ZNF385B: variants seen among roughly 807,000 people sequenced by gnomAD.
ZNF385B encodes the protein zinc finger protein 533.
A neutral mutation model predicts 39.2 loss-of-function variants in ZNF385B; 23 were observed. The observed-to-expected ratio is 0.59, with a 90% confidence interval of 0.42 to 0.83. The LOEUF (loss-of-function observed/expected upper bound fraction) is 0.83. Among genes scored for constraint, ZNF385B ranks in the 40% least tolerant of loss-of-function variants. ZNF385B has a pLI of 0.00. For synonymous variants in ZNF385B, 205 were observed against 222.6 expected (o/e 0.92, Z 0.70); for missense variants, 552 against 598.9 (o/e 0.92, Z 0.82).
At chr2:179,636,781 T>C (rs1691796663) in intron 3 of ZNF385B, among the ~76,000 whole-genome samples, 1 of 152,180 alleles carries the variant, frequency 6.6e-6, no homozygotes, top group Middle Eastern at 3.2e-3. Flanking sequence ...TAACTTTGAC[T>C]CTTTGACTGC....
intron 3 of ZNF385B, among the ~76,000 whole-genome samples, chr2:179,662,434 T>C (rs890177483): frequency 2.6e-5 from 4 of 151,956 alleles, no homozygotes; most frequent in African/African-American, 9.7e-5. Flanking sequence ...TTCTGTTGTT[T>C]AAGGCATTCA....
In ZNF385B at chr2:179,443,398, G is replaced by A. The variant is rs550371636; in HGVS notation, c.1313C>T (p.Ala438Val). 6 of 1,611,562 alleles carry A rather than the reference G, an allele frequency of 3.7e-6. No individual in the cohort carries two copies. Among genetic ancestry groups the A allele is most frequent in the East Asian group, 2.2e-5 (1 of 44,830 alleles). ...APAFLSSPLA[A>V]AAAVSSALSL... is the part of the protein sequence containing the mutation. ...CAGCGCTGAGGACACGGCTGCCGCC[G>A]CTGCGAGAGGTGAGGACAGGAAGGC... Residue 438 changes from alanine (A) to valine (V), a missense_variant, in exon 10 of 10, where the codon GCG becomes GTG. By Grantham distance (64) the Ala-to-Val change is moderately conservative (BLOSUM62 0). Coordinates refer to ENST00000410066, the MANE Select transcript of ZNF385B (RefSeq NM_152520.6).
At chr2:179,524,450 G>A (rs754043455) in intron 4 of ZNF385B, among the ~76,000 whole-genome samples, 1 of 149,968 alleles carries the variant, frequency 6.7e-6, no homozygotes, top group African/African-American at 2.5e-5. Context: ...TACTCGGGAG[G>A]CTGAGGCAGG....
At chr2:179,591,308 T>G (rs1687542971) in intron 3 of ZNF385B, among the ~76,000 whole-genome samples, 1 of 152,134 alleles carries the variant, frequency 6.6e-6, no homozygotes, top group Non-Finnish European at 1.5e-5. Flanking sequence ...CAGTAGTTCT[T>G]AGATTAAGGA....
chr2:179,614,745 G>A (rs1323658061), intron 3 of ZNF385B, among the ~76,000 whole-genome samples: 1 of 152,206 alleles, frequency 6.6e-6, no homozygotes, highest in Non-Finnish European at 1.5e-5. Flanking sequence ...TCAGGGGCTA[G>A]AGAGCAAAGA....
At chr2:179,677,859 T>C (rs1257361862) in intron 3 of ZNF385B, among the ~76,000 whole-genome samples, 1 of 152,224 alleles carries the variant, frequency 6.6e-6, no homozygotes, top group Non-Finnish European at 1.5e-5. Flanking sequence ...AATTGTGTTA[T>C]TTTCTGAAAT....
chr2:179,709,986 C>T (rs557628385), intron 3 of ZNF385B, among the ~76,000 whole-genome samples: 23 of 152,284 alleles, frequency 1.5e-4, no homozygotes, highest in Middle Eastern at 3.4e-3. Context: ...TCACACTTTA[C>T]CAGACACAAA....
At chr2:179,512,940 A>G (rs2057790591) in intron 5 of ZNF385B, among the ~76,000 whole-genome samples, 2 of 152,210 alleles carry the variant, frequency 1.3e-5, no homozygotes, top group African/African-American at 4.8e-5. Context: ...TTCTACTGAG[A>G]TGATATAAGC....
At position 179,832,139 on chromosome 2, in the gene ZNF385B, A is replaced by G. The variant is rs527866777; in HGVS notation, c.-155+28962T>C. On this transcript the variant is annotated intron_variant, in intron 1 of 9. Transcript: ENST00000410066. ...AAACTGTGTCAGGATTAGGAAGATG[A>G]GAGTTGGACAAGTCTGGCCTTTTGC... 1.2e-4 allele frequency among the ~76,000 whole-genome samples: 18 copies of G among 152,290 alleles called. No homozygotes were observed. In the East Asian group the frequency reaches 3.5e-3, roughly 29 times the overall value.
At chr2:179,555,248 T>G (rs891505071) in intron 3 of ZNF385B, among the ~76,000 whole-genome samples, 2 of 149,634 alleles carry the variant, frequency 1.3e-5, no homozygotes, top group Non-Finnish European at 3.0e-5. Context: ...ACATGCTGTA[T>G]GATACCATTT....
At chr2:179,751,972 C>A (rs895115014) in intron 3 of ZNF385B, among the ~76,000 whole-genome samples, 1 of 152,168 alleles carries the variant, frequency 6.6e-6, no homozygotes, top group South Asian at 2.1e-4. Context: ...TTCTAGGGCA[C>A]ATGTGCACAA....
chr2:179,839,508 T>C (rs563851672), intron 1 of ZNF385B, among the ~76,000 whole-genome samples: 1 of 152,364 alleles, frequency 6.6e-6, no homozygotes, highest in Admixed American at 6.5e-5. Context: ...AAATGGACAT[T>C]TCATAATGTA....
At chr2:179,823,562 T>C (rs1707519906) in intron 1 of ZNF385B, among the ~76,000 whole-genome samples, 1 of 152,010 alleles carries the variant, frequency 6.6e-6, no homozygotes, top group South Asian at 2.1e-4. Context: ...TGTTTCAGGA[T>C]TTTTTTTCCT....
Position 179,445,645 on chromosome 2 carries a change from T to C in ZNF385B, c.1045A>G (p.Met349Val), listed in dbSNP as rs757707997. ...CCTGACCCCTTACTGCCATTCTGCA[T>C]CTTTAATCTTGATCCAGGTCTAGGA... ...SYPRPGSRLK[M>V]QNGSKGSGLQ... Residue 349 changes from methionine to valine, a missense_variant, in exon 8 of 10, where the codon ATG (methionine) becomes GTG (valine). Coordinates refer to ENST00000410066, the MANE Select transcript of ZNF385B (RefSeq NM_152520.6). 2.0e-5 allele frequency: 33 copies of C among 1,614,016 alleles called. No individual in the cohort carries two copies. Among genetic ancestry groups the C allele is most frequent in the Non-Finnish European group, 5.9e-6 (7 of 1,180,002 alleles).
chr2:179,658,591 T>G (rs1694073390), intron 3 of ZNF385B, among the ~76,000 whole-genome samples: 1 of 152,180 alleles, frequency 6.6e-6, no homozygotes, highest in South Asian at 2.1e-4. Context: ...CCAAGTAGAA[T>G]AGTGGGCTTG....
intron 1 of ZNF385B, among the ~76,000 whole-genome samples, chr2:179,828,374 T>A (rs1301340614): frequency 1.3e-5 from 2 of 152,210 alleles, no homozygotes; most frequent in Non-Finnish European, 2.9e-5. Flanking sequence ...AAATTGCCCA[T>A]TAATTCCTTC....
intron 3 of ZNF385B, among the ~76,000 whole-genome samples, chr2:179,656,607 G>A (rs1515281): frequency 0.093 from 14,088 of 152,056 alleles, 877 homozygotes; most frequent in East Asian, 0.16. Flanking sequence ...GCAAAAATTC[G>A]TACTCTGCAG....
intron 3 of ZNF385B, among the ~76,000 whole-genome samples, chr2:179,757,920 G>A (rs1173105640): frequency 1.3e-5 from 2 of 152,060 alleles, no homozygotes; most frequent in African/African-American, 4.8e-5. Flanking sequence ...CAGGTGAGGC[G>A]ATGCCTCACC....
At chr2:179,746,048 T>C (rs1014559091) in intron 3 of ZNF385B, 23 of 1,064,546 alleles carry the variant, frequency 2.2e-5, no homozygotes, top group African/African-American at 6.6e-5. Context: ...GCACTGTCAA[T>C]GTACAAGTCT....
Sources: allele counts gnomAD v4.1 joint callset (sites outside exome capture counted in the v4.1 genomes callset), GRCh38; gene constraint gnomAD v4.1.1; transcripts MANE v1.5; gene names NCBI Gene and HGNC (gene_info 2026-07-23, HGNC 2026-07-21).